PIP5K1B: variants seen among roughly 807,000 people sequenced by gnomAD.
The protein encoded by PIP5K1B is phosphatidylinositol-4-phosphate 5-kinase type 1 beta, also known as phosphatidylinositol 4-phosphate 5-kinase type-1 beta.
Under a neutral mutation model 67.0 loss-of-function variants are expected in PIP5K1B, and 42 were observed. The ratio of observed to expected loss-of-function variants is 0.63; its 90% CI spans 0.49 to 0.81. The LOEUF (loss-of-function observed/expected upper bound fraction) is 0.81, where lower values mean the gene tolerates loss of function less well. PIP5K1B is among the 30% of genes least tolerant of loss of function. PIP5K1B has a pLI of 0.00. For synonymous variants in PIP5K1B, 214 were observed against 231.4 expected, an observed-to-expected ratio of 0.92 and a Z score of 0.68; for missense variants, 459 against 646.3, an observed-to-expected ratio of 0.71 and a Z score of 3.14.
At chr9:68,774,529 A>G (rs767685757) in intron 2 of PIP5K1B, among the ~76,000 whole-genome samples, 2 of 152,210 alleles carry the variant, frequency 1.3e-5, no homozygotes, top group Non-Finnish European at 2.9e-5. Context: ...ACAACATTTT[A>G]AGATCTAACT....
chr9:68,773,346 G>T (rs1334977082), intron 2 of PIP5K1B, among the ~76,000 whole-genome samples: 1 of 152,204 alleles, frequency 6.6e-6, no homozygotes, highest in Non-Finnish European at 1.5e-5. Context: ...TTATGGCCTA[G>T]GAGGGTTTTA....
intron 2 of PIP5K1B, chr9:68,782,409 A>C (rs781208996): frequency 1.2e-5 from 2 of 166,952 alleles, no homozygotes; most frequent in Non-Finnish European, 2.9e-5. Flanking sequence ...TAATAAGAAT[A>C]GCAAAAATTT....
At chr9:68,884,613 T>C (rs1017381374) in intron 6 of PIP5K1B, among the ~76,000 whole-genome samples, 5 of 149,220 alleles carry the variant, frequency 3.4e-5, no homozygotes, top group African/African-American at 1.3e-4. Flanking sequence ...TACAATAAGC[T>C]GTGATCAGCC....
chr9:68,780,558 G>A (rs769389127), intron 2 of PIP5K1B: 10 of 1,614,066 alleles, frequency 6.2e-6, no homozygotes, highest in South Asian at 1.1e-5. Context: ...GGAGAAATCC[G>A]CCTCCCCCAA....
At chr9:68,790,204 A>G (rs1238127789) in intron 2 of PIP5K1B, among the ~76,000 whole-genome samples, 1 of 152,192 alleles carries the variant, frequency 6.6e-6, no homozygotes, top group African/African-American at 2.4e-5. Context: ...AGAGGTAGAG[A>G]TTTAAATTCA....
intron 6 of PIP5K1B, among the ~76,000 whole-genome samples, chr9:68,882,588 A>G (rs1321489041): frequency 2.0e-5 from 3 of 152,134 alleles, no homozygotes; most frequent in Admixed American, 6.6e-5. Flanking sequence ...GTCTGAATCC[A>G]GTTTTTTCTA....
intron 4 of PIP5K1B, among the ~76,000 whole-genome samples, chr9:68,844,289 A>G (rs373316569): frequency 2.0e-5 from 3 of 152,302 alleles, no homozygotes; most frequent in East Asian, 3.9e-4. Context: ...CGTTGTTGGA[A>G]AGAGTGTGGG....
In PIP5K1B at chr9:68,744,008, G is replaced by A. The variant is rs543947049; in HGVS notation, c.-86+1351G>A. Among the ~76,000 whole-genome samples the A allele has an allele frequency of 3.3e-5, 5 of 152,290 alleles. No individual in the cohort carries two copies. In the South Asian group the frequency reaches 1.0e-3, roughly 32 times the overall value. On this transcript the variant is annotated intron_variant, in intron 2 of 15. Transcript: ENST00000265382. ...GGAGGATCAGGGCTGAGCTTAGTGG[G>A]GGTTCTTGGTGATAGGGATTCCTTC... is the stretch of plus-strand genomic sequence containing the variant.
At chr9:68,905,621 C>T (rs900591679) in intron 8 of PIP5K1B, among the ~76,000 whole-genome samples, 2 of 152,184 alleles carry the variant, frequency 1.3e-5, no homozygotes, top group African/African-American at 4.8e-5. Flanking sequence ...CCTTGTGATA[C>T]ATTACCCAGT....
At chr9:68,809,060 A>G (rs987307314) in intron 2 of PIP5K1B, among the ~76,000 whole-genome samples, 1 of 152,246 alleles carries the variant, frequency 6.6e-6, no homozygotes, top group African/African-American at 2.4e-5. Context: ...AATATTTAAC[A>G]TACAGATTTT....
At chr9:68,940,852 C>A in intron 14 of PIP5K1B, 62 bp downstream of exon 14, 1 of 1,458,928 alleles carries the variant, frequency 6.9e-7, no homozygotes. Context: ...CAGGCCTGAA[C>A]CAGTATCTCT....
At chr9:68,898,611 G>T (rs1053263755) in intron 8 of PIP5K1B, among the ~76,000 whole-genome samples, 1 of 152,022 alleles carries the variant, frequency 6.6e-6, no homozygotes, top group African/African-American at 2.4e-5. Context: ...TTCATCTTCC[G>T]CCAGGCCTGC....
intron 14 of PIP5K1B, among the ~76,000 whole-genome samples, chr9:68,945,304 C>G (rs960048513): frequency 6.6e-6 from 1 of 152,038 alleles, no homozygotes; most frequent in Non-Finnish European, 1.5e-5. Context: ...CGCCACCACT[C>G]CTGGCTAGTT....
intron 12 of PIP5K1B, among the ~76,000 whole-genome samples, chr9:68,928,109 A>T (rs1826803708): frequency 6.6e-6 from 1 of 152,168 alleles, no homozygotes; most frequent in South Asian, 2.1e-4. Flanking sequence ...ATTGACCACA[A>T]TTATAATAAG....
chr9:68,707,131 A>C lies in PIP5K1B; in HGVS notation c.-243+1369A>C, dbSNP rs74385234. On this transcript the variant is annotated intron_variant, in intron 1 of 15. Transcript: ENST00000265382. ...TGAGCGGAGGGAAACGGTGGTTCTG[A>C]TATGGTCCTGTGGGCAGAGACTTAT... Among the ~76,000 whole-genome samples, 403 of 152,200 alleles carry C rather than the reference A, an allele frequency of 2.6e-3. 3 individuals carry two copies. Among genetic ancestry groups the C allele is most frequent in the South Asian group, 0.01 (49 of 4,824 alleles).
chr9:68,875,915 A>T (rs1156859359), intron 5 of PIP5K1B, among the ~76,000 whole-genome samples: 1 of 152,244 alleles, frequency 6.6e-6, no homozygotes, highest in East Asian at 1.9e-4. Context: ...ATCAACATTT[A>T]GGCCAGTGGA....
intron 14 of PIP5K1B, among the ~76,000 whole-genome samples, chr9:68,954,844 C>A (rs1828303562): frequency 6.6e-6 from 1 of 152,178 alleles, no homozygotes; most frequent in Non-Finnish European, 1.5e-5. Flanking sequence ...GGCTCTTGCC[C>A]CATCTGCTGG....
intron 14 of PIP5K1B, among the ~76,000 whole-genome samples, chr9:68,982,328 T>C (rs1214546438): frequency 6.6e-6 from 1 of 152,224 alleles, no homozygotes; most frequent in African/African-American, 2.4e-5. Flanking sequence ...CTAAATAGGC[T>C]TGTGCCCAGG....
chr9:68,805,069 G>T (rs967937197), intron 2 of PIP5K1B, among the ~76,000 whole-genome samples: 1 of 152,218 alleles, frequency 6.6e-6, no homozygotes, highest in Non-Finnish European at 1.5e-5. Flanking sequence ...AAGTCCTCAG[G>T]GGGAGGCATT....
Sources: gnomAD v4.1 joint callset for allele counts (sites outside exome capture counted in the v4.1 genomes callset) on GRCh38, gnomAD v4.1.1 for gene constraint, MANE v1.5 for transcripts, NCBI Gene and HGNC (gene_info 2026-07-23, HGNC 2026-07-21) for gene names.